The following BRD10 variants were observed in gnomAD, a reference collection of about 807,000 sequenced individuals.
BRD10 encodes bromodomain containing 10.
the BRD10 span, among the ~76,000 whole-genome samples, chr9:5,894,425 C>T: frequency 1.3e-5 from 2 of 152,270 alleles, no homozygotes; most frequent in Admixed American, 6.5e-5. This position sits in a 1 kb window ranked among gnomAD's most constrained non-coding sequence, Gnocchi z 4.0. Context: ...TGCTTCTACC[C>T]CCGTGTCTGG....
the BRD10 span, among the ~76,000 whole-genome samples, chr9:5,928,672 GT>G: frequency 6.6e-6 from 1 of 151,978 alleles, no homozygotes; most frequent in African/African-American, 2.4e-5. Flanking sequence ...TTTCTTTAAG[GT>G]CTCTGTTCAA....
At chr9:5,996,202 G>A in the BRD10 span, among the ~76,000 whole-genome samples, 8 of 152,236 alleles carry the variant, frequency 5.3e-5, no homozygotes, top group South Asian at 4.1e-4. Context: ...CCTCTCCAGA[G>A]GAGAAGAATA....
the BRD10 span, among the ~76,000 whole-genome samples, chr9:5,977,297 T>C: frequency 8.3e-3 from 1,261 of 152,264 alleles, 14 homozygotes; most frequent in African/African-American, 0.028. Flanking sequence ...GGGAGGATTA[T>C]GGAATCTAGC....
the BRD10 span, chr9:5,898,011 G>C: frequency 4.2e-5 from 9 of 213,214 alleles, no homozygotes; most frequent in Non-Finnish European, 7.7e-5. Flanking sequence ...CATAGTGGAA[G>C]GCATCACATG....
At chr9:5,993,178 G>A in the BRD10 span, among the ~76,000 whole-genome samples, 34 of 151,974 alleles carry the variant, frequency 2.2e-4, no homozygotes, top group East Asian at 1.7e-3. Context: ...AGCTGGGCAC[G>A]GTGGCATGCG....
chr9:5,953,993 C>T, the BRD10 span: 4 of 1,452,200 alleles, frequency 2.8e-6, no homozygotes, highest in African/African-American at 1.4e-5. Context: ...TGAAAAATTT[C>T]GAGACAAAGT....
chr9:5,935,840 A>G, the BRD10 span, among the ~76,000 whole-genome samples: 2 of 152,210 alleles, frequency 1.3e-5, no homozygotes. Flanking sequence ...GTTCCACTAC[A>G]TAAGCACATT....
the BRD10 span, chr9:5,920,734 T>C: frequency 1.2e-5 from 20 of 1,613,914 alleles, no homozygotes; most frequent in East Asian, 2.2e-4. Flanking sequence ...TTTTAGGGGA[T>C]GTAGTCGCAG....
At chr9:5,968,023 T>C in the BRD10 span, 1 of 1,504,532 alleles carries the variant, frequency 6.6e-7, no homozygotes, top group Non-Finnish European at 8.9e-7. Flanking sequence ...GCTTACCAGA[T>C]TTGTGCTTCT....
the BRD10 span, among the ~76,000 whole-genome samples, chr9:5,992,595 G>A: frequency 3.3e-5 from 5 of 151,906 alleles, no homozygotes; most frequent in African/African-American, 4.8e-5. Context: ...TGTCTATTAG[G>A]GAAATCATTT....
the BRD10 span, chr9:5,919,748 G>C: frequency 2.2e-5 from 36 of 1,613,364 alleles, no homozygotes; most frequent in South Asian, 2.7e-4. Flanking sequence ...GACAGACGCA[G>C]GACTTCGACT....
At chr9:5,900,394 CTTATT>C in the BRD10 span, among the ~76,000 whole-genome samples, 1 of 151,920 alleles carries the variant, frequency 6.6e-6, no homozygotes, top group Admixed American at 6.6e-5. Flanking sequence ...ATATTAAAAT[CTTATT>C]TTGAGATTTT....
chr9:6,001,693 T>C, the BRD10 span, among the ~76,000 whole-genome samples: 2 of 152,228 alleles, frequency 1.3e-5, no homozygotes, highest in Admixed American at 6.5e-5. Flanking sequence ...ATCATTATTC[T>C]ACCCACTCTT....
chr9:5,953,840 C>T, the BRD10 span, among the ~76,000 whole-genome samples: 1 of 152,174 alleles, frequency 6.6e-6, no homozygotes, highest in East Asian at 1.9e-4. Context: ...TTACGAAATA[C>T]TAGCAGATTA....
the BRD10 span, among the ~76,000 whole-genome samples, chr9:6,001,779 AAT>A: frequency 6.6e-6 from 1 of 152,186 alleles, no homozygotes; most frequent in South Asian, 2.1e-4. Context: ...ATCCACTCCC[AAT>A]AGTTATCCCT....
At chr9:5,920,481 G>T in the BRD10 span, 13 of 1,613,840 alleles carry the variant, frequency 8.1e-6, no homozygotes. Flanking sequence ...CTGTAACTGG[G>T]GGTTTTTACT....
chr9:5,997,424 A>C, the BRD10 span, among the ~76,000 whole-genome samples: 1 of 108,232 alleles, frequency 9.2e-6, no homozygotes, highest in South Asian at 3.7e-4. Context: ...TGGAAAAATA[A>C]ATACATGAAA....
chr9:6,005,257 T>C, the BRD10 span, among the ~76,000 whole-genome samples: 2 of 151,720 alleles, frequency 1.3e-5, no homozygotes, highest in Non-Finnish European at 1.5e-5. Context: ...GGGCCTGTAA[T>C]CCCAGCACTT....
the BRD10 span, among the ~76,000 whole-genome samples, chr9:6,000,456 T>C: frequency 6.6e-6 from 1 of 152,194 alleles, no homozygotes; most frequent in Admixed American, 6.5e-5. Context: ...AAAATAAAAC[T>C]ATGAAAGGGA....
Sources: gnomAD v4.1 joint callset for allele counts (sites outside exome capture counted in the v4.1 genomes callset) on GRCh38, gnomAD v4.1.1 for gene constraint, Gnocchi (gnomAD v3.1) non-coding constraint, MANE v1.5 for transcripts, NCBI Gene and HGNC (gene_info 2026-07-23, HGNC 2026-07-21) for gene names.